PRDM1: variants seen among roughly 807,000 people sequenced by gnomAD.
PRDM1 encodes the protein PR domain zinc finger protein 1.
A neutral mutation model predicts 62.8 loss-of-function variants in PRDM1; 13 were observed. The observed-to-expected ratio is 0.21, with a 90% CI of 0.13 to 0.33. The LOEUF is 0.33. Among genes scored for constraint, PRDM1 ranks in the 10% least tolerant of loss-of-function variants. The pLI is 1.00. For missense variants in PRDM1, 895 were observed against 1,058.8 expected (o/e 0.85, Z 2.15); for synonymous variants, 396 against 417.6 (o/e 0.95, Z 0.63).
upstream of PRDM1, among the ~76,000 whole-genome samples, chr6:106,081,350 G>C (rs1773691399): frequency 6.6e-6 from 1 of 152,212 alleles, no homozygotes; most frequent in African/African-American, 2.4e-5. Context: ...AGAACCCTGA[G>C]CTTGGCTGGA....
intron 1 of PRDM1, among the ~76,000 whole-genome samples, chr6:106,077,070 C>A (rs1773615519): frequency 6.6e-6 from 1 of 152,208 alleles, no homozygotes; most frequent in Non-Finnish European, 1.5e-5. Flanking sequence ...TCTTCCCATT[C>A]CCATAAACAT....
At chr6:106,028,977 G>A (rs1772803003) in intron 1 of PRDM1, among the ~76,000 whole-genome samples, 1 of 142,712 alleles carries the variant, frequency 7.0e-6, no homozygotes, top group Non-Finnish European at 1.5e-5. Context: ...CTGGAGTGCA[G>A]TGGCACTATC....
intron 1 of PRDM1, among the ~76,000 whole-genome samples, chr6:106,073,395 A>G (rs1773552591): frequency 6.6e-6 from 1 of 152,126 alleles, no homozygotes; most frequent in African/African-American, 2.4e-5. Flanking sequence ...GATTACAGAC[A>G]TGAGCCACAG....
intron 1 of PRDM1, among the ~76,000 whole-genome samples, chr6:106,049,210 GCT>G (rs1342339563): frequency 6.6e-6 from 1 of 152,216 alleles, no homozygotes; most frequent in Non-Finnish European, 1.5e-5. Context: ...GAGAACAGAT[GCT>G]GTTACTGGAA....
intron 2 of PRDM1, among the ~76,000 whole-genome samples, chr6:106,092,472 A>G (rs1773991976): frequency 6.6e-6 from 1 of 152,226 alleles, no homozygotes; most frequent in South Asian, 2.1e-4. Flanking sequence ...GTAATTCTTT[A>G]GGACCCTGGT....
chr6:106,005,359 G>A (rs753202236), intron 1 of PRDM1, among the ~76,000 whole-genome samples: 1 of 152,208 alleles, frequency 6.6e-6, no homozygotes, highest in Non-Finnish European at 1.5e-5. Flanking sequence ...TAATCTGTCT[G>A]CTTGGCCACA....
chr6:106,020,786 A>C (rs1582428412), intron 1 of PRDM1, among the ~76,000 whole-genome samples: 1 of 152,202 alleles, frequency 6.6e-6, no homozygotes, highest in African/African-American at 2.4e-5. Context: ...CTTTTCTATG[A>C]CTTATGTAAT....
chr6:106,035,696 A>C (rs1772916485), intron 1 of PRDM1, among the ~76,000 whole-genome samples: 1 of 152,186 alleles, frequency 6.6e-6, no homozygotes, highest in Admixed American at 6.5e-5. Context: ...CTTTCTTTTA[A>C]TTACTATTTA....
chr6:106,096,020 G>T, intron 3 of PRDM1: 1 of 298,982 alleles, frequency 3.3e-6, no homozygotes, highest in South Asian at 6.7e-5. Flanking sequence ...CTTGCTTTAA[G>T]GATAGGTTCA....
chr6:106,036,809 A>T (rs1250309410), intron 1 of PRDM1, among the ~76,000 whole-genome samples: 1 of 152,060 alleles, frequency 6.6e-6, no homozygotes, highest in East Asian at 1.9e-4. Flanking sequence ...AAAATACAAA[A>T]ATTAGCCAAA....
At chr6:106,070,986 A>G (rs1276304090) in intron 1 of PRDM1, among the ~76,000 whole-genome samples, 2 of 152,168 alleles carry the variant, frequency 1.3e-5, no homozygotes, top group African/African-American at 4.8e-5. Flanking sequence ...AATGCATCTT[A>G]TTGGCCTGAT....
intron 2 of PRDM1, among the ~76,000 whole-genome samples, chr6:106,091,452 C>A (rs1484349152): frequency 6.6e-6 from 1 of 152,222 alleles, no homozygotes; most frequent in Non-Finnish European, 1.5e-5. Context: ...AGGAAACCTT[C>A]TCCAAACAAC....
intron 1 of PRDM1, among the ~76,000 whole-genome samples, chr6:106,055,429 TATA>T (rs1773249072): frequency 6.6e-6 from 1 of 152,246 alleles, no homozygotes; most frequent in African/African-American, 2.4e-5. Context: ...GGTTCACTAT[TATA>T]ACTAGTTGTC....
chr6:106,106,901 T>A lies in PRDM1; in HGVS notation c.1903-10T>A, dbSNP rs761850232. 6.2e-7 allele frequency: 1 copy of A among 1,608,388 alleles called. No individual in the cohort carries two copies. The highest frequency in any genetic ancestry group is 8.5e-7 in the Non-Finnish European group (1 of 1,176,246). On this transcript the variant is annotated splice_polypyrimidine_tract_variant and intron_variant, in intron 6 of 6. Coordinates refer to ENST00000369096, the MANE Select transcript of PRDM1 (RefSeq NM_001198.4). The surrounding 1 kb of genome is among the most constrained non-coding windows in gnomAD (Gnocchi z 4.4). ...TCCCTTCCCTGCTGTCTCTCTCCCC[T>A]ACACTGTAGGTCTGCCACAAGAGAT...
chr6:106,104,314 C>T (rs765858165), intron 4 of PRDM1, among the ~76,000 whole-genome samples: 5 of 152,036 alleles, frequency 3.3e-5, no homozygotes, highest in African/African-American at 7.2e-5. Flanking sequence ...CAGATTCAAG[C>T]GATTCTTCTG....
In PRDM1 at chr6:106,109,150, G is replaced by T; in HGVS notation, c.*1664G>T. The stretch of plus-strand genomic sequence containing the variant: ...TCTGAGACTTTGCTTAATACTTGGT[G>T]ACCTCACAATCACGTCGGTATGATT... On this transcript the variant is annotated 3_prime_UTR_variant, in exon 7 of 7. Coordinates refer to ENST00000369096, the MANE Select transcript of PRDM1 (RefSeq NM_001198.4). The T allele has an allele frequency of 4.9e-6, 1 of 205,654 alleles. No homozygotes were observed. The allele number at this position is 205,654 out of a possible 1,614,324, so 12.7% of individuals were successfully genotyped here.
chr6:106,038,014 C>CTTTTTCTTTTTTTTTT (rs1772944978), intron 1 of PRDM1, among the ~76,000 whole-genome samples: 1 of 47,800 alleles, frequency 2.1e-5, no homozygotes, highest in Non-Finnish European at 3.5e-5. Flanking sequence ...CTATTTTTGT[C>CTTTTTCTTTTTTTTTT]TTTTTTTTTT....
chr6:105,999,531 C>T (rs552652768), intron 1 of PRDM1, among the ~76,000 whole-genome samples: 51 of 152,160 alleles, frequency 3.4e-4, no homozygotes, highest in Non-Finnish European at 6.8e-4. Context: ...TGTGTGTTGC[C>T]ACTGCTGTGT....
intron 2 of PRDM1, among the ~76,000 whole-genome samples, chr6:106,091,635 C>A (rs1016155885): frequency 1.3e-5 from 2 of 152,050 alleles, no homozygotes; most frequent in African/African-American, 4.8e-5. Context: ...CAAAAATTAG[C>A]CGGGCGTGGT....
Sources: allele counts gnomAD v4.1 joint callset (sites outside exome capture counted in the v4.1 genomes callset), GRCh38; gene constraint gnomAD v4.1.1; non-coding constraint Gnocchi (gnomAD v3.1); transcripts MANE v1.5; gene names NCBI Gene and HGNC (gene_info 2026-07-23, HGNC 2026-07-21).